Variants in HHAT observed in about 807,000 individuals in gnomAD.
The protein encoded by HHAT is hedgehog acyltransferase.
A neutral mutation model predicts 70.8 loss-of-function variants in HHAT; 47 were observed. The observed-to-expected ratio is 0.66, with a 90% confidence interval of 0.53 to 0.85. The LOEUF (loss-of-function observed/expected upper bound fraction) is 0.85, where lower values mean the gene tolerates loss of function less well. Among genes scored for constraint, HHAT ranks in the 40% least tolerant of loss-of-function variants. The pLI, the probability that HHAT is intolerant of heterozygous loss-of-function variation, is 0.00. For synonymous variants in HHAT, 228 were observed against 247.6 expected, an observed-to-expected ratio of 0.92 and a Z score of 0.74; for missense variants, 609 against 604.8, an observed-to-expected ratio of 1.01 and a Z score of -0.07.
At chr1:210,508,198 CAAAAAAAA>C (rs10656040) in intron 8 of HHAT, among the ~76,000 whole-genome samples, 5 of 89,444 alleles carry the variant, frequency 5.6e-5, no homozygotes, top group African/African-American at 2.3e-4. Context: ...GACTCCTTCT[CAAAAAAAA>C]AAAAAAAAAA....
At chr1:210,447,673 C>T (rs1483542458) in intron 7 of HHAT, among the ~76,000 whole-genome samples, 1 of 152,232 alleles carries the variant, frequency 6.6e-6, no homozygotes, top group Non-Finnish European at 1.5e-5. Flanking sequence ...CTCCAGCTTT[C>T]AGAGCTTGAA....
intron 10 of HHAT, among the ~76,000 whole-genome samples, chr1:210,598,071 C>A (rs2148814191): frequency 6.6e-6 from 1 of 151,924 alleles, no homozygotes; most frequent in Non-Finnish European, 1.5e-5. Context: ...TGCATCCTTC[C>A]CTTCAAAGCA....
chr1:210,328,848 C>T (rs761834099), upstream of HHAT: 83 of 427,970 alleles, frequency 1.9e-4, no homozygotes, highest in Admixed American at 2.3e-4. Context: ...ACGGCCTGCT[C>T]GCCATCGCCC....
At chr1:210,667,005 G>A (rs557065193) in intron 11 of HHAT, among the ~76,000 whole-genome samples, 22 of 151,874 alleles carry the variant, frequency 1.4e-4, no homozygotes, top group Admixed American at 9.2e-4. Context: ...GCGTGAACCC[G>A]GAAGGCAGAG....
At chr1:210,600,289 G>T (rs1663939741) in intron 10 of HHAT, among the ~76,000 whole-genome samples, 1 of 152,106 alleles carries the variant, frequency 6.6e-6, no homozygotes, top group Admixed American at 6.6e-5. Context: ...AAGAAAGAAT[G>T]AATGATATTT....
At chr1:210,485,807 C>A (rs1194481563) in intron 8 of HHAT, among the ~76,000 whole-genome samples, 1 of 152,142 alleles carries the variant, frequency 6.6e-6, no homozygotes, top group Admixed American at 6.6e-5. Flanking sequence ...ATTCAATTTT[C>A]TCCCACCGGG....
intron 8 of HHAT, among the ~76,000 whole-genome samples, chr1:210,491,004 G>T (rs373366559): frequency 6.6e-6 from 1 of 152,018 alleles, no homozygotes; most frequent in South Asian, 2.1e-4. Context: ...TCTCCATTAT[G>T]CAGCCATCTC....
chr1:210,575,277 A>T (rs1161757088), intron 9 of HHAT, among the ~76,000 whole-genome samples: 1 of 152,074 alleles, frequency 6.6e-6, no homozygotes, highest in Non-Finnish European at 1.5e-5. Context: ...AGGGAAGCTT[A>T]TAAATGCTTT....
intron 9 of HHAT, among the ~76,000 whole-genome samples, chr1:210,556,087 T>C (rs932467304): frequency 2.0e-5 from 3 of 152,150 alleles, no homozygotes; most frequent in Non-Finnish European, 4.4e-5. Flanking sequence ...GCAGGGAGTT[T>C]AGTCTATACT....
intron 9 of HHAT, among the ~76,000 whole-genome samples, chr1:210,529,006 C>G (rs2095283178): frequency 6.6e-6 from 1 of 152,070 alleles, no homozygotes; most frequent in Non-Finnish European, 1.5e-5. Context: ...AAAATGGGTG[C>G]CGGGTGTGGT....
At chr1:210,329,251 A>G in intron 1 of HHAT, 147 bp downstream of exon 1, 1 of 1,232,218 alleles carries the variant, frequency 8.1e-7, no homozygotes, top group Non-Finnish European at 1.0e-6. Context: ...GGGACAGAGG[A>G]AGTTCCCGGT....
chr1:210,487,414 T>G (rs2094489730), intron 8 of HHAT, among the ~76,000 whole-genome samples: 1 of 152,182 alleles, frequency 6.6e-6, no homozygotes, highest in Admixed American at 6.5e-5. Flanking sequence ...CAGAGAATGG[T>G]CTTCAGAGGT....
At chr1:210,512,966 C>A (rs576452716) in intron 8 of HHAT, among the ~76,000 whole-genome samples, 187 bp from the exon 9 acceptor site, 1 of 152,260 alleles carries the variant, frequency 6.6e-6, no homozygotes, top group East Asian at 1.9e-4. Flanking sequence ...GAGGTGGGGC[C>A]TGAGAAGCTG....
rs552117650 is a variant in HHAT at position 210,665,342 on chromosome 1, C to A, written c.1391-8946C>A. 2.6e-5 allele frequency among the ~76,000 whole-genome samples: 4 copies of A among 152,288 alleles called. No individual in the cohort carries two copies. In the South Asian group the frequency reaches 8.3e-4, roughly 32 times the overall value. On this transcript the variant is annotated intron_variant, in intron 11 of 11. Coordinates refer to ENST00000261458, the MANE Select transcript of HHAT (RefSeq NM_018194.6). Reference sequence around the variant, plus strand: ...AGGTGAATCTTGTTTTCTTTACAACCTGGTGGTTCTTAGGAGTGATGGGAA... The same window carrying A: ...AGGTGAATCTTGTTTTCTTTACAACATGGTGGTTCTTAGGAGTGATGGGAA...
intron 8 of HHAT, among the ~76,000 whole-genome samples, chr1:210,468,460 G>C (rs540148507): frequency 6.6e-6 from 1 of 152,266 alleles, no homozygotes; most frequent in Admixed American, 6.5e-5. Context: ...GGTGTTCAGA[G>C]GCAAACTCAT....
chr1:210,367,142 T>C lies in HHAT; in HGVS notation c.159+4223T>C, dbSNP rs1409121952. On this transcript the variant is annotated intron_variant, in intron 3 of 11. Transcript: ENST00000261458. ...GACATGAAGGCAGTAAACAGGGTGATAGGATAGCACTCTTTTGGGTGAAAT... is the reference window on the plus strand; with the variant it reads ...GACATGAAGGCAGTAAACAGGGTGACAGGATAGCACTCTTTTGGGTGAAAT... Among the ~76,000 whole-genome samples, 3 of 152,222 alleles carry C rather than the reference T, an allele frequency of 2.0e-5. No homozygotes were observed. The East Asian group carries it at 5.8e-4, about 29-fold the overall frequency.
chr1:210,541,564 T>C (rs978838670), intron 9 of HHAT, among the ~76,000 whole-genome samples: 45 of 152,208 alleles, frequency 3.0e-4, no homozygotes, highest in Non-Finnish European at 5.9e-5. Flanking sequence ...CCGTCTCTAC[T>C]AAAAATACAA....
intron 1 of HHAT, among the ~76,000 whole-genome samples, chr1:210,343,516 T>C (rs1407180852): frequency 2.0e-5 from 3 of 151,976 alleles, no homozygotes; most frequent in Admixed American, 6.6e-5. Flanking sequence ...AAAGCTCTGT[T>C]AAGGAGGATG....
At chr1:210,395,239 ACT>A (rs2091718305) in intron 4 of HHAT, among the ~76,000 whole-genome samples, 1 of 152,090 alleles carries the variant, frequency 6.6e-6, no homozygotes, top group African/African-American at 2.4e-5. Flanking sequence ...ACAGAGGTAA[ACT>A]CTAAGGAGGG....
Sources: allele counts gnomAD v4.1 joint callset (sites outside exome capture counted in the v4.1 genomes callset), GRCh38; gene constraint gnomAD v4.1.1; transcripts MANE v1.5; gene names NCBI Gene and HGNC (gene_info 2026-07-23, HGNC 2026-07-21).